STK24: variants seen among roughly 807,000 people sequenced by gnomAD.
STK24 encodes serine/threonine kinase 24, also known as serine/threonine-protein kinase 24.
A neutral mutation model predicts 55.6 loss-of-function variants in STK24; 21 were observed. That is an observed-to-expected ratio of 0.38 (90% confidence interval 0.27 to 0.54). The LOEUF (loss-of-function observed/expected upper bound fraction) is 0.54. STK24 is among the 20% of genes least tolerant of loss of function. STK24 has a pLI of 0.79. For missense variants in STK24, 383 were observed against 538.4 expected (o/e 0.71, Z 2.86); for synonymous variants, 200 against 215.2 (o/e 0.93, Z 0.62).
chr13:98,564,065 G>C (rs767884294), intron 1 of STK24, among the ~76,000 whole-genome samples: 1 of 152,126 alleles, frequency 6.6e-6, no homozygotes, highest in Non-Finnish European at 1.5e-5. Context: ...AGAGATAACA[G>C]AGAAATAGAG....
chr13:98,571,984 C>T (rs570276687), intron 1 of STK24, among the ~76,000 whole-genome samples: 54 of 152,336 alleles, frequency 3.5e-4, no homozygotes, highest in South Asian at 1.2e-3. Context: ...ATGTGCCATA[C>T]TTCCGGCTGT....
intron 7 of STK24, 90 bp downstream of exon 7, chr13:98,463,599 ACT>A: frequency 1.4e-6 from 2 of 1,402,678 alleles, no homozygotes; most frequent in Middle Eastern, 1.9e-4. Context: ...AAAAAAAAAA[ACT>A]CAACAGAAAA....
At chr13:98,472,406 G>C (rs1894187381) in intron 5 of STK24, among the ~76,000 whole-genome samples, 1 of 152,204 alleles carries the variant, frequency 6.6e-6, no homozygotes, top group Non-Finnish European at 1.5e-5. Flanking sequence ...CAGGCAGACA[G>C]GACAGCTCTC....
At chr13:98,463,918 T>C (rs957416353) in intron 6 of STK24, 82 bp from the exon 7 acceptor site, 2 of 1,496,390 alleles carry the variant, frequency 1.3e-6, no homozygotes, top group African/African-American at 2.8e-5. Context: ...CCTCAAAATG[T>C]CAACCGCCAC....
chr13:98,554,142 T>C (rs1195413678), intron 1 of STK24, among the ~76,000 whole-genome samples: 2 of 151,986 alleles, frequency 1.3e-5, no homozygotes, highest in African/African-American at 4.8e-5. Flanking sequence ...GGTGCAGTTT[T>C]TTTTCTTGTC....
At chr13:98,511,801 C>T (rs1455128114) in intron 2 of STK24, among the ~76,000 whole-genome samples, 3 of 140,796 alleles carry the variant, frequency 2.1e-5, no homozygotes, top group Admixed American at 1.4e-4. Flanking sequence ...TTCTTTGGAA[C>T]GTTGGCATTG....
chr13:98,563,333 C>T (rs1342819424), intron 1 of STK24, among the ~76,000 whole-genome samples: 1 of 152,014 alleles, frequency 6.6e-6, no homozygotes, highest in Non-Finnish European at 1.5e-5. Context: ...GTTGGGGGAC[C>T]GAGGCCAGGA....
rs755940703 is a variant in STK24, at chr13:98,446,061, G to A, written c.*7112C>T. 4.2e-6 allele frequency: 6 copies of A among 1,413,882 alleles called. No homozygotes were observed. The highest frequency in any genetic ancestry group is 1.7e-5 in the Admixed American group (1 of 59,420). 87.6% of individuals were successfully genotyped at this position (1,413,882 alleles called of 1,614,324 possible). A position where few individuals can be genotyped will look rare whatever the true frequency, so the allele number is the denominator to read the frequency against. ...CTCTCTGTGCCCTCCTGGGGCAGGT[G>A]CCCGCTGTGCTTCTCACAGGCCTCC... On this transcript the variant is annotated 3_prime_UTR_variant, in exon 11 of 11. Coordinates refer to ENST00000539966, the MANE Select transcript of STK24 (RefSeq NM_001032296.4).
rs1892817455 is a variant in STK24, at chr13:98,446,093, T to C, written c.*7080A>G. ...GTGCTTCTCACAGGCCTCCTTGCCT[T>C]TCAGAATCAGTTGTCTGGAAACCTG... On this transcript the variant is annotated 3_prime_UTR_variant, in exon 11 of 11. Coordinates refer to ENST00000539966, the MANE Select transcript of STK24 (RefSeq NM_001032296.4). 1.9e-6 allele frequency: 3 copies of C among 1,609,010 alleles called. No individual in the cohort carries two copies. The highest frequency in any genetic ancestry group is 2.6e-6 in the Non-Finnish European group (3 of 1,175,408).
intron 6 of STK24, among the ~76,000 whole-genome samples, chr13:98,465,348 C>T (rs528011344): frequency 1.3e-5 from 2 of 152,238 alleles, no homozygotes; most frequent in Non-Finnish European, 2.9e-5. Flanking sequence ...GCCAGCTCCT[C>T]GGTAGCTGTG....
At chr13:98,569,095 GAACTCA>G (rs748948121) in intron 1 of STK24, among the ~76,000 whole-genome samples, 51 of 152,094 alleles carry the variant, frequency 3.4e-4, no homozygotes, top group Non-Finnish European at 5.9e-5. Context: ...TGAAACTTCA[GAACTCA>G]AGGAAAAAGT....
chr13:98,498,594 G>GA (rs1206471916), intron 2 of STK24, among the ~76,000 whole-genome samples: 77 of 152,242 alleles, frequency 5.1e-4, no homozygotes, highest in Non-Finnish European at 4.1e-4. Flanking sequence ...CTCTGCAAGT[G>GA]AAAGAGTGGT....
intron 1 of STK24, among the ~76,000 whole-genome samples, chr13:98,564,150 T>C (rs1306782683): frequency 2.0e-5 from 3 of 152,184 alleles, no homozygotes; most frequent in African/African-American, 4.8e-5. Flanking sequence ...TCTACTGATA[T>C]GAAATACTTT....
At chr13:98,549,357 T>C (rs930431100) in intron 1 of STK24, among the ~76,000 whole-genome samples, 1 of 152,158 alleles carries the variant, frequency 6.6e-6, no homozygotes, top group Non-Finnish European at 1.5e-5. Flanking sequence ...TGTCCTCACA[T>C]AGCAGAAGGG....
intron 1 of STK24, among the ~76,000 whole-genome samples, chr13:98,544,457 C>T (rs1436772805): frequency 1.3e-5 from 2 of 152,376 alleles, no homozygotes; most frequent in Non-Finnish European, 1.5e-5. Context: ...AAGGGCCCTA[C>T]TGGGAGTGGC....
intron 3 of STK24, among the ~76,000 whole-genome samples, chr13:98,475,704 C>T (rs1264554995): frequency 3.3e-5 from 5 of 152,118 alleles, no homozygotes; most frequent in East Asian, 1.9e-4. Context: ...AGGAAGCCCA[C>T]GACCCGGCCT....
At chr13:98,454,560 A>G (rs1893361340) in intron 10 of STK24, 1 of 152,260 alleles carries the variant, frequency 6.6e-6, no homozygotes, top group Non-Finnish European at 1.5e-5. Context: ...AAATGACTAA[A>G]TCACGGGATG....
chr13:98,518,893 C>G (rs1324305579), intron 2 of STK24, among the ~76,000 whole-genome samples: 1 of 152,200 alleles, frequency 6.6e-6, no homozygotes, highest in Non-Finnish European at 1.5e-5. Context: ...GATTAACATT[C>G]TTAAGTTGGT....
At chr13:98,457,562 T>G (rs3783007) in intron 9 of STK24, among the ~76,000 whole-genome samples, 45,606 of 150,280 alleles carry the variant, frequency 0.3, 7,802 homozygotes, top group East Asian at 0.42. Context: ...CTCCGCCTCC[T>G]GGGTTCCAGC....
Sources: allele counts gnomAD v4.1 joint callset (sites outside exome capture counted in the v4.1 genomes callset), GRCh38; gene constraint gnomAD v4.1.1; transcripts MANE v1.5; gene names NCBI Gene and HGNC (gene_info 2026-07-23, HGNC 2026-07-21).